Variants in CAMSAP1 observed in about 807,000 individuals in gnomAD.
The protein encoded by CAMSAP1 is calmodulin regulated spectrin associated protein 1.
Under a neutral mutation model 143.5 loss-of-function variants are expected in CAMSAP1, and 58 were observed. That is an observed-to-expected ratio of 0.40 (90% confidence interval 0.33 to 0.50). CAMSAP1 has a LOEUF of 0.50. CAMSAP1 is among the 20% of genes least tolerant of loss of function. The pLI is 0.45. For missense variants in CAMSAP1, 1,969 were observed against 2,115.7 expected, an observed-to-expected ratio of 0.93 and a Z score of 1.36; for synonymous variants, 945 against 859.3, an observed-to-expected ratio of 1.10 and a Z score of -1.74.
chr9:135,850,413 A>T lies in CAMSAP1; in HGVS notation c.857T>A (p.Ile286Asn). ...ATTGGAGAATTCTCTCAGAAGCCGA[A>T]TATTATACAGACTGTCGGCCATCGA... Reference protein sequence around the residue: ...VTSMADSLYNIRLLREFSNEY... With the variant: ...VTSMADSLYNNRLLREFSNEY... The change falls in exon 6 of 17, where the codon ATT becomes AAT. Residue 286 changes from isoleucine (I) to asparagine (N), a missense_variant. Physicochemically the swap from Ile to Asn is moderately radical, Grantham distance 149. Around this residue, in one of 4 missense-constraint regions of CAMSAP1, gnomAD observed 221 missense variants for 298.2 expected, o/e 0.74. Transcript: ENST00000389532. 1 of 1,610,546 alleles carries T rather than the reference A, an allele frequency of 6.2e-7. No homozygotes were observed. Among genetic ancestry groups the T allele is most frequent in the South Asian group, 1.1e-5 (1 of 89,970 alleles).
intron 14 of CAMSAP1, 26 bp downstream of exon 14, chr9:135,817,946 CCCGTG>C: frequency 1.3e-6 from 2 of 1,598,220 alleles, no homozygotes; most frequent in Non-Finnish European, 1.7e-6. Context: ...GTCCTCCAGC[CCCGTG>C]CCGGCGGCCG....
At chr9:135,898,709 G>T (rs1838528057) in intron 1 of CAMSAP1, among the ~76,000 whole-genome samples, 1 of 152,134 alleles carries the variant, frequency 6.6e-6, no homozygotes, top group Admixed American at 6.5e-5. Flanking sequence ...CAAAAAGACT[G>T]ACATCATCAA....
At position 135,822,350 on chromosome 9, in the gene CAMSAP1, C is replaced by T. The variant is rs779471155; in HGVS notation, c.2311G>A (p.Ala771Thr). 1 of 1,613,984 alleles carries T rather than the reference C, an allele frequency of 6.2e-7. No homozygotes were observed. Among genetic ancestry groups the T allele is most frequent in the Non-Finnish European group, 8.5e-7 (1 of 1,179,906 alleles). ...ACCTTCATGTCCTCCTGCAGTTTGG[C>T]CGACTCTTCCTCCCCAATGTATCTG... ...FSRYIGEEES[A>T]KLQEDMKVKE... Residue 771 changes from alanine to threonine, a missense_variant, in exon 11 of 17, where the codon GCC becomes ACC. Transcript: ENST00000389532. This position sits in a 1 kb window ranked among gnomAD's most constrained non-coding sequence, Gnocchi z 6.1.
At chr9:135,880,523 G>A (rs1750881451) in intron 3 of CAMSAP1, among the ~76,000 whole-genome samples, 1 of 152,166 alleles carries the variant, frequency 6.6e-6, no homozygotes, top group Non-Finnish European at 1.5e-5. Flanking sequence ...AGCTTGGGTA[G>A]GAAAACAGCT....
chr9:135,848,872 G>T (rs145164049), intron 7 of CAMSAP1, among the ~76,000 whole-genome samples: 163 of 152,330 alleles, frequency 1.1e-3, no homozygotes, highest in African/African-American at 3.6e-3. Flanking sequence ...CCAAAGGGCA[G>T]GCAACCCACA....
Position 135,819,067 on chromosome 9 carries a change from GCCT to G in CAMSAP1, c.3899_3901del (p.Glu1300del). 10 of 1,604,776 alleles carry G rather than the reference GCCT, an allele frequency of 6.2e-6. No individual in the cohort carries two copies. The highest frequency in any genetic ancestry group is 8.5e-6 in the Non-Finnish European group (10 of 1,177,440). On this transcript the variant is annotated inframe_deletion, in exon 12 of 17. Transcript: ENST00000389532. The stretch of plus-strand genomic sequence containing the variant: ...TTCCAGCTGCTGCTTGCGCACGCGG[GCCT>G]CCTCGGCCTTGCGCTGCTGCTTCAG...
rs766724521 is a variant in CAMSAP1, at chr9:135,882,116, G to A, written c.424-322C>T. Among the ~76,000 whole-genome samples the A allele has an allele frequency of 3.3e-5, 5 of 152,248 alleles. No homozygotes were observed. The highest frequency in any genetic ancestry group is 7.2e-5 in the African/African-American group (3 of 41,540). On this transcript the variant is annotated intron_variant, in intron 2 of 16. Coordinates refer to ENST00000389532, the MANE Select transcript of CAMSAP1 (RefSeq NM_015447.4). The surrounding 1 kb of genome is among the most constrained non-coding windows in gnomAD (Gnocchi z 4.9). Reference sequence around the variant, plus strand: ...GCCCTGTGGGACTCCCAGGAAAGGCGGTGCAGCTCCCAGGTCGTGGTTGTG... The same window carrying A: ...GCCCTGTGGGACTCCCAGGAAAGGCAGTGCAGCTCCCAGGTCGTGGTTGTG...
chr9:135,836,192 C>T, intron 7 of CAMSAP1: 1 of 985,436 alleles, frequency 1.0e-6, no homozygotes, highest in Non-Finnish European at 1.2e-6. Flanking sequence ...ATACCTTTAC[C>T]CGTTCCGCAG....
At chr9:135,814,100 G>C (rs745551752) in intron 16 of CAMSAP1, among the ~76,000 whole-genome samples, 1 of 152,136 alleles carries the variant, frequency 6.6e-6, no homozygotes, top group Non-Finnish European at 1.5e-5. Context: ...TGATACAGGG[G>C]GCCAACCACC....
At chr9:135,828,136 G>T (rs1835740483) in intron 7 of CAMSAP1, among the ~76,000 whole-genome samples, 1 of 152,258 alleles carries the variant, frequency 6.6e-6, no homozygotes, top group Non-Finnish European at 1.5e-5. Context: ...GCCTGGCTGG[G>T]GCGCCATTCC....
intron 1 of CAMSAP1, among the ~76,000 whole-genome samples, chr9:135,892,209 A>G (rs1838311338): frequency 6.6e-6 from 1 of 152,208 alleles, no homozygotes; most frequent in African/African-American, 2.4e-5. Flanking sequence ...GTGTGCAGAC[A>G]TGGTTCATAA....
intron 1 of CAMSAP1, among the ~76,000 whole-genome samples, chr9:135,894,665 G>C (rs916352262): frequency 8.5e-5 from 13 of 152,182 alleles, no homozygotes; most frequent in African/African-American, 2.9e-4. Context: ...CACAAAAGTA[G>C]GACAGGCCTG....
chr9:135,835,589 C>G (rs1835998542), intron 7 of CAMSAP1, among the ~76,000 whole-genome samples: 1 of 152,178 alleles, frequency 6.6e-6, no homozygotes, highest in African/African-American at 2.4e-5. Context: ...GAGAAGAAAC[C>G]AAGAAAGGAT....
chr9:135,855,795 G>A (rs1463093065), intron 5 of CAMSAP1, among the ~76,000 whole-genome samples: 4 of 149,658 alleles, frequency 2.7e-5, no homozygotes, highest in African/African-American at 9.9e-5. Flanking sequence ...GCTCACGCCT[G>A]TAATCCCAGC....
intron 3 of CAMSAP1, among the ~76,000 whole-genome samples, chr9:135,874,017 AAC>A (rs1023364285): frequency 1.1e-4 from 16 of 152,160 alleles, no homozygotes; most frequent in Admixed American, 9.8e-4. Context: ...ATAAATAATA[AAC>A]ACAACCAATT....
At chr9:135,864,233 G>A (rs1310620887) in intron 4 of CAMSAP1, among the ~76,000 whole-genome samples, 1 of 152,218 alleles carries the variant, frequency 6.6e-6, no homozygotes, top group Non-Finnish European at 1.5e-5. Context: ...CAGGACAGAC[G>A]AAGTCTGTGA....
intron 7 of CAMSAP1, among the ~76,000 whole-genome samples, chr9:135,838,010 C>T (rs1291489357): frequency 9.9e-5 from 15 of 151,574 alleles, no homozygotes; most frequent in Non-Finnish European, 2.2e-4. Context: ...TCTACAGACA[C>T]ACGTCATCAC....
At chr9:135,829,832 G>A (rs543222036) in intron 7 of CAMSAP1, among the ~76,000 whole-genome samples, 35 of 148,986 alleles carry the variant, frequency 2.3e-4, no homozygotes, top group African/African-American at 7.9e-4. Context: ...CAGCCTGGGC[G>A]ACAGAGCGAG....
intron 14 of CAMSAP1, among the ~76,000 whole-genome samples, chr9:135,816,522 G>C (rs879882933): frequency 8.5e-5 from 13 of 152,238 alleles, no homozygotes; most frequent in Non-Finnish European, 1.5e-4. Context: ...GATGCCGAAA[G>C]GCTGGACACA....
Sources: gnomAD v4.1 joint callset for allele counts (sites outside exome capture counted in the v4.1 genomes callset) on GRCh38, gnomAD v4.1.1 for gene constraint, gnomAD v4.1.1 regional missense constraint, Gnocchi (gnomAD v3.1) non-coding constraint, MANE v1.5 for transcripts, NCBI Gene and HGNC (gene_info 2026-07-23, HGNC 2026-07-21) for gene names.